The following CADM2 variants were observed in gnomAD, a reference collection of about 807,000 sequenced individuals.
The protein encoded by CADM2 is immunoglobulin superfamily member 4D.
A neutral mutation model predicts 49.8 loss-of-function variants in CADM2; 12 were observed. The observed-to-expected ratio is 0.24, with a 90% CI of 0.15 to 0.39. The LOEUF is 0.39. Among genes scored for constraint, CADM2 ranks in the 10% least tolerant of loss-of-function variants. CADM2 has a pLI of 1.00. For synonymous variants in CADM2, 214 were observed against 175.4 expected (o/e 1.22, Z -1.74); for missense variants, 378 against 492.3 (o/e 0.77, Z 2.20).
chr3:85,741,845 C>A (rs995423851), intron 2 of CADM2, among the ~76,000 whole-genome samples: 1 of 152,174 alleles, frequency 6.6e-6, no homozygotes, highest in Non-Finnish European at 1.5e-5. Flanking sequence ...CTTAAAAAAT[C>A]ATTCTATACT....
chr3:85,867,610 A>G (rs2075771810), intron 3 of CADM2, among the ~76,000 whole-genome samples: 1 of 152,076 alleles, frequency 6.6e-6, no homozygotes, highest in African/African-American at 2.4e-5. Context: ...GAATATCTAC[A>G]TCTGTGTAAT....
At chr3:85,875,178 G>A (rs1562626) in intron 3 of CADM2, among the ~76,000 whole-genome samples, 106,135 of 152,030 alleles carry the variant, frequency 0.7, 38,675 homozygotes, top group African/African-American at 0.92. Flanking sequence ...GTATGACTGT[G>A]AAAGAACAAA....
chr3:85,900,201 A>G (rs1458701176), intron 5 of CADM2, among the ~76,000 whole-genome samples: 4 of 152,114 alleles, frequency 2.6e-5, no homozygotes, highest in African/African-American at 9.7e-5. Context: ...GAAAACAACA[A>G]TTTGTCTCTG....
chr3:85,993,056 G>C (rs543417218), intron 8 of CADM2: 1 of 152,198 alleles, frequency 6.6e-6, no homozygotes, highest in East Asian at 1.9e-4. Flanking sequence ...AATCTTCACA[G>C]GGCTAGGCAC....
intron 1 of CADM2, among the ~76,000 whole-genome samples, chr3:85,012,116 A>T (rs1037260031): frequency 1.3e-5 from 2 of 151,584 alleles, no homozygotes; most frequent in African/African-American, 4.8e-5. Context: ...GAAATAAAAA[A>T]CTGATTTTTC....
At chr3:85,519,639 A>G (rs866042398) in intron 1 of CADM2, among the ~76,000 whole-genome samples, 8 of 152,274 alleles carry the variant, frequency 5.3e-5, no homozygotes, top group Middle Eastern at 3.4e-3. Flanking sequence ...ACACGACATC[A>G]ACTTTTTACA....
intron 3 of CADM2, among the ~76,000 whole-genome samples, chr3:85,823,296 C>A (rs938640123): frequency 6.6e-6 from 1 of 151,928 alleles, no homozygotes; most frequent in Admixed American, 6.6e-5. Context: ...AGCTAAGAAC[C>A]CTGATATTTA....
At chr3:85,343,866 C>A (rs2030231368) in intron 1 of CADM2, among the ~76,000 whole-genome samples, 1 of 152,242 alleles carries the variant, frequency 6.6e-6, no homozygotes, top group African/African-American at 2.4e-5. Flanking sequence ...AACTTTTCTC[C>A]TTTTCAGTGT....
intron 3 of CADM2, among the ~76,000 whole-genome samples, chr3:85,839,532 CT>C (rs1225566401): frequency 1.3e-5 from 2 of 151,790 alleles, no homozygotes; most frequent in Non-Finnish European, 2.9e-5. Context: ...AGCTACTCTG[CT>C]GCCTACGATA....
chr3:85,816,749 AAC>A (rs771175551), intron 3 of CADM2, among the ~76,000 whole-genome samples: 8 of 152,314 alleles, frequency 5.3e-5, no homozygotes, highest in Non-Finnish European at 8.8e-5. Flanking sequence ...AAAGGACAAA[AAC>A]ACACACAGCG....
At chr3:86,023,594 G>A (rs1733485060) in intron 8 of CADM2, among the ~76,000 whole-genome samples, 1 of 152,038 alleles carries the variant, frequency 6.6e-6, no homozygotes, top group Non-Finnish European at 1.5e-5. Flanking sequence ...CTGACCTCAG[G>A]TGATCTGCCC....
At chr3:85,983,891 T>C (rs1324334960) in intron 8 of CADM2, among the ~76,000 whole-genome samples, 4 of 151,454 alleles carry the variant, frequency 2.6e-5, no homozygotes, top group Non-Finnish European at 5.9e-5. Flanking sequence ...TCATGAAGTT[T>C]AAAGTATTCT....
chr3:85,947,699 C>G (rs772047035), intron 7 of CADM2, among the ~76,000 whole-genome samples: 1 of 151,350 alleles, frequency 6.6e-6, no homozygotes, highest in East Asian at 2.0e-4. Flanking sequence ...GAAATGAGAC[C>G]GAATATATTT....
At chr3:85,664,850 C>A (rs1222437565) in intron 1 of CADM2, among the ~76,000 whole-genome samples, 5 of 151,914 alleles carry the variant, frequency 3.3e-5, no homozygotes, top group Non-Finnish European at 7.4e-5. Flanking sequence ...GTCACCCCTG[C>A]CCCCCTTATG....
chr3:85,899,484 CATT>C (rs1474777467), intron 5 of CADM2, among the ~76,000 whole-genome samples: 1 of 152,070 alleles, frequency 6.6e-6, no homozygotes, highest in Non-Finnish European at 1.5e-5. Context: ...TTTATTTCCT[CATT>C]GTAGACAGCA....
chr3:85,118,965 T>C lies in CADM2; in HGVS notation c.61+159297T>C, dbSNP rs185904792. ...GGTTTCTCCATGTTGGTCAGGCTGG[T>C]CTCGAACTCCCAACCTCAGGTGATC... On this transcript the variant is annotated intron_variant, in intron 1 of 9. Coordinates refer to ENST00000383699, the MANE Select transcript of CADM2 (RefSeq NM_001167675.2). Among the ~76,000 whole-genome samples the C allele has an allele frequency of 6.5e-3, 985 of 152,178 alleles. 12 individuals carry two copies. The highest frequency in any genetic ancestry group is 0.022 in the African/African-American group (893 of 41,514).
At chr3:85,052,401 AGG>A (rs1180964303) in intron 1 of CADM2, among the ~76,000 whole-genome samples, 3 of 152,104 alleles carry the variant, frequency 2.0e-5, no homozygotes, top group Admixed American at 1.3e-4. Context: ...CCTGTACAAT[AGG>A]GTTTTATACA....
chr3:85,781,244 T>C (rs1157981279), intron 2 of CADM2, among the ~76,000 whole-genome samples: 2 of 152,200 alleles, frequency 1.3e-5, no homozygotes, highest in Non-Finnish European at 2.9e-5. Context: ...TTCCATTCTG[T>C]CCTTCATGTA....
chr3:85,251,724 C>T (rs895813971), intron 1 of CADM2, among the ~76,000 whole-genome samples: 1 of 151,942 alleles, frequency 6.6e-6, no homozygotes, highest in Non-Finnish European at 1.5e-5. Flanking sequence ...ATCATCCTAT[C>T]ACTGGCATAT....
Sources: gnomAD v4.1 joint callset for allele counts (sites outside exome capture counted in the v4.1 genomes callset) on GRCh38, gnomAD v4.1.1 for gene constraint, MANE v1.5 for transcripts, NCBI Gene and HGNC (gene_info 2026-07-23, HGNC 2026-07-21) for gene names.